The following AKAP11 variants were observed in gnomAD, a reference collection of about 807,000 sequenced individuals.
The protein encoded by AKAP11 is A-kinase anchor protein 11.
Under a neutral mutation model 146.1 loss-of-function variants are expected in AKAP11, and 36 were observed. That is an observed-to-expected ratio of 0.25 (90% CI 0.19 to 0.33). The LOEUF is 0.33. AKAP11 is among the 10% of genes least tolerant of loss of function. The pLI, the probability that AKAP11 is intolerant of heterozygous loss-of-function variation, is 1.00. For missense variants in AKAP11, 2,201 were observed against 2,197.0 expected, an observed-to-expected ratio of 1.00 and a Z score of -0.04; for synonymous variants, 780 against 786.5, an observed-to-expected ratio of 0.99 and a Z score of 0.14.
At chr13:42,311,429 T>C (rs1960559148) in intron 9 of AKAP11, among the ~76,000 whole-genome samples, 1 of 152,178 alleles carries the variant, frequency 6.6e-6, no homozygotes. Context: ...TTATTAACGG[T>C]GAGGTCTTTA....
Position 42,303,117 on chromosome 13 carries a change from T to C in AKAP11, c.4371T>C (p.Phe1457=), listed in dbSNP as rs776512186. ...ATGAGGTCTCCCAACTGTATAGTTT[T>C]TCAACCTCTCTGGTTCACAGCATAA... ...YRNEVSQLYS[F]STSLVHSITK... The change falls in exon 8 of 13, where the codon TTT becomes TTC. Residue 1457 remains phenylalanine (F), a synonymous_variant. Coordinates refer to ENST00000025301, the MANE Select transcript of AKAP11 (RefSeq NM_016248.4). 7.7e-5 allele frequency: 125 copies of C among 1,614,048 alleles called. No individual in the cohort carries two copies. The highest frequency in any genetic ancestry group is 1.0e-4 in the Non-Finnish European group (122 of 1,180,048).
intron 1 of AKAP11, among the ~76,000 whole-genome samples, chr13:42,280,605 A>G (rs944322048): frequency 2.0e-5 from 3 of 152,244 alleles, no homozygotes; most frequent in Non-Finnish European, 2.9e-5. Flanking sequence ...AAAAATACAT[A>G]AAACACTTTT....
At position 42,302,348 on chromosome 13, in the gene AKAP11, C is replaced by A; in HGVS notation, c.3602C>A (p.Ala1201Glu). Residue 1201 changes from alanine to glutamate, a missense_variant, in exon 8 of 13, where the codon GCA becomes GAA. Around this residue, in one of 3 missense-constraint regions of AKAP11, gnomAD observed 1,867 missense variants for 1,833.5 expected, o/e 1.02. Coordinates refer to ENST00000025301, the MANE Select transcript of AKAP11 (RefSeq NM_016248.4). ...HSGKKVQFAE[A>E]LATHILSLAT... ...GGGAAGAAGGTTCAGTTTGCAGAAG[C>A]ATTAGCTACACACATCCTTTCTCTT... 1.2e-6 allele frequency: 2 copies of A among 1,614,158 alleles called. No homozygotes were observed. The highest frequency in any genetic ancestry group is 1.1e-5 in the South Asian group (1 of 91,080).
intron 1 of AKAP11, among the ~76,000 whole-genome samples, chr13:42,283,436 G>A (rs10492432): frequency 0.12 from 18,777 of 152,034 alleles, 1,309 homozygotes; most frequent in South Asian, 0.17. Flanking sequence ...GTGTTCCTTC[G>A]CAGATCCCAT....
Position 42,300,217 on chromosome 13 carries a change from T to G in AKAP11, c.1471T>G (p.Tyr491Asp). ...HDSVYYTYED[Y>D]AKSISCEVLG... ...TTCTGTTTATTACACCTATGAAGAC[T>G]ATGCAAAAAGCATTTCATGTGAAGT... Residue 491 changes from tyrosine (Y) to aspartate (D), a missense_variant, in exon 8 of 13, where the codon TAT becomes GAT. Physicochemically the swap from Tyr to Asp is radical, Grantham distance 160. This residue lies in a region of AKAP11 where 1,867 missense variants were observed against 1,833.5 expected (regional missense o/e 1.02). Transcript: ENST00000025301. 6.2e-7 allele frequency: 1 copy of G among 1,613,766 alleles called. No individual in the cohort carries two copies. Among genetic ancestry groups the G allele is most frequent in the Non-Finnish European group, 8.5e-7 (1 of 1,179,822 alleles).
At chr13:42,310,206 G>T (rs925380392) in intron 9 of AKAP11, among the ~76,000 whole-genome samples, 1 of 152,162 alleles carries the variant, frequency 6.6e-6, no homozygotes, top group South Asian at 2.1e-4. Flanking sequence ...ATGGCATTTT[G>T]TCAGAAAAAG....
At position 42,303,419 on chromosome 13, in the gene AKAP11, C is replaced by G. The variant is rs1452592486; in HGVS notation, c.4673C>G (p.Ser1558Cys). Residue 1558 changes from serine to cysteine, a missense_variant, in exon 8 of 13, where the codon TCT becomes TGT. Physicochemically the swap from Ser to Cys is moderately radical, Grantham distance 112 (BLOSUM62 -1). Around this residue, in one of 3 missense-constraint regions of AKAP11, gnomAD observed 1,867 missense variants for 1,833.5 expected, o/e 1.02. Transcript: ENST00000025301. ...VDDTLELTLGSTVFRVSETTK... is the reference protein window; with the variant it reads ...VDDTLELTLGCTVFRVSETTK... ...GACACTCTAGAGCTAACTCTAGGAT[C>G]TACAGTGTTCCGAGTGTCTGAGACC... The G allele has an allele frequency of 6.2e-7, 1 of 1,614,086 alleles. No individual in the cohort carries two copies. The highest frequency in any genetic ancestry group is 1.1e-5 in the South Asian group (1 of 91,068).
rs142541804 is a variant in AKAP11, at chr13:42,299,218, A to C, written c.617-145A>C. 1.7e-3 allele frequency: 1,211 copies of C among 715,722 alleles called. 11 individuals carry two copies. The African/African-American group carries it at 0.019, about 11-fold the overall frequency. The allele number at this position is 715,722 out of a possible 1,614,324, so 44.3% of individuals were successfully genotyped here. A position where few individuals can be genotyped will look rare whatever the true frequency, so the allele number is the denominator to read the frequency against. ...AACAGTATATTTACTTTCAAATGTT[A>C]CTTGGGTGAATCTTTCTGTTAAACA... On this transcript the variant is annotated intron_variant, in intron 7 of 12. Coordinates refer to ENST00000025301, the MANE Select transcript of AKAP11 (RefSeq NM_016248.4).
At chr13:42,296,142 T>C (rs1959499638) in intron 5 of AKAP11, among the ~76,000 whole-genome samples, 1 of 152,192 alleles carries the variant, frequency 6.6e-6, no homozygotes, top group African/African-American at 2.4e-5. Flanking sequence ...GGCATACTTT[T>C]CTTTTTCCCT....
In AKAP11 at chr13:42,286,312, T is replaced by G. The variant is rs1959165805; in HGVS notation, c.-37T>G. The G allele has an allele frequency of 6.9e-7, 1 of 1,443,216 alleles. No homozygotes were observed. The highest frequency in any genetic ancestry group is 9.5e-7 in the Non-Finnish European group (1 of 1,054,588). The allele number at this position is 1,443,216 out of a possible 1,614,324, so 89.4% of individuals were successfully genotyped here. ...ATGTTTTCTTTAGGTGTTTTGTGGA[T>G]TAACTCTTCATTGATTATATACAAC... is the stretch of plus-strand genomic sequence containing the variant. On this transcript the variant is annotated 5_prime_UTR_variant, in exon 3 of 13. Transcript: ENST00000025301.
intron 11 of AKAP11, among the ~76,000 whole-genome samples, chr13:42,314,446 T>TAA (rs59968668): frequency 8.0e-6 from 1 of 124,764 alleles, no homozygotes; most frequent in African/African-American, 3.0e-5. Flanking sequence ...GACTCTGACT[T>TAA]AAAAAAAAAA....
chr13:42,313,012 T>G (rs1411067620), intron 9 of AKAP11, 35 bp from the exon 10 acceptor site: 20 of 1,568,014 alleles, frequency 1.3e-5, no homozygotes, highest in Non-Finnish European at 1.8e-5. Context: ...CTATTCATTT[T>G]CTAGTTCAGC....
In AKAP11 at chr13:42,301,964, C is replaced by T. The variant is rs146133758; in HGVS notation, c.3218C>T (p.Ser1073Leu). 2 of 1,614,016 alleles carry T rather than the reference C, an allele frequency of 1.2e-6. No homozygotes were observed. The highest frequency in any genetic ancestry group is 1.7e-6 in the Non-Finnish European group (2 of 1,180,004). The change falls in exon 8 of 13, where the codon TCA becomes TTA. Residue 1073 changes from serine to leucine, a missense_variant. Ser to Leu is a moderately radical substitution (Grantham distance 145). Around this residue, in one of 3 missense-constraint regions of AKAP11, gnomAD observed 1,867 missense variants for 1,833.5 expected, o/e 1.02. Coordinates refer to ENST00000025301, the MANE Select transcript of AKAP11 (RefSeq NM_016248.4). ...ENPFPHSHTF[S>L]STALTCVDGL... ...CCCTTTCCTCATTCACATACTTTCT[C>T]ATCTACAGCACTTACCTGTGTAGAT...
Position 42,301,532 on chromosome 13 carries a change from G to T in AKAP11, c.2786G>T (p.Ser929Ile). 2 of 1,614,130 alleles carry T rather than the reference G, an allele frequency of 1.2e-6. No homozygotes were observed. Among genetic ancestry groups the T allele is most frequent in the Non-Finnish European group, 1.7e-6 (2 of 1,179,984 alleles). The change falls in exon 8 of 13, where the codon AGT becomes ATT. Residue 929 changes from serine (S) to isoleucine (I), a missense_variant. Transcript: ENST00000025301. ...TGTGATCAGGCAGTGCTGCAATGCA[G>T]TGAAGCTAGTAGCAATAAGGACATG... ...SHCDQAVLQCSEASSNKDMFA... is the reference protein window; with the variant it reads ...SHCDQAVLQCIEASSNKDMFA...
At chr13:42,315,296 G>C (rs1420074781) in intron 11 of AKAP11, among the ~76,000 whole-genome samples, 1 of 151,952 alleles carries the variant, frequency 6.6e-6, no homozygotes, top group African/African-American at 2.4e-5. Flanking sequence ...TTTATATAAG[G>C]CTTCTAGAAG....
chr13:42,294,498 G>A (rs1228390759), intron 4 of AKAP11, among the ~76,000 whole-genome samples: 1 of 152,140 alleles, frequency 6.6e-6, no homozygotes, highest in South Asian at 2.1e-4. Context: ...CACCTCCAGG[G>A]TTCAAGTGAT....
rs993244921 is a variant in AKAP11 at position 42,303,537 on chromosome 13, T to C, written c.4791T>C (p.Asn1597=). 1.9e-6 allele frequency: 3 copies of C among 1,614,210 alleles called. No homozygotes were observed. Among genetic ancestry groups the C allele is most frequent in the African/African-American group, 1.3e-5 (1 of 75,056 alleles). Residue 1597 remains asparagine (N), a synonymous_variant, in exon 8 of 13, where the codon AAT becomes AAC. Coordinates refer to ENST00000025301, the MANE Select transcript of AKAP11 (RefSeq NM_016248.4). ...ACTGTGACCTTAAAGAACTCCACAA[T>C]TGCACTGGAAATTCATCTCAGCACT... The part of the protein sequence containing the change: ...CRYCDLKELH[N]CTGNSSQHFF...
Position 42,302,624 on chromosome 13 carries a change from A to G in AKAP11, c.3878A>G (p.Asp1293Gly), listed in dbSNP as rs776318617. The change falls in exon 8 of 13, where the codon GAT (aspartate) becomes GGT (glycine). Residue 1293 changes from aspartate to glycine, a missense_variant. By Grantham distance (94) the Asp-to-Gly change is moderately conservative. Coordinates refer to ENST00000025301, the MANE Select transcript of AKAP11 (RefSeq NM_016248.4). Reference protein sequence around the residue: ...FKQKKNSCYADGDEDYKVEEK... With the variant: ...FKQKKNSCYAGGDEDYKVEEK... ...CAAAAGAAGAACAGTTGTTATGCTG[A>G]TGGTGACGAAGATTATAAAGTAGAA... 7.4e-6 allele frequency: 12 copies of G among 1,614,188 alleles called. No individual in the cohort carries two copies. In the Admixed American group the frequency reaches 1.5e-4, roughly 20 times the overall value.
Position 42,320,893 on chromosome 13 carries a change from C to T in AKAP11, c.*1665C>T, listed in dbSNP as rs116583105. The stretch of plus-strand genomic sequence containing the variant: ...AATGCCAAAAGCTATTTAAATAATT[C>T]GAGGTTACATCGTAGGTTTTGATTT... On this transcript the variant is annotated 3_prime_UTR_variant, in exon 13 of 13. Coordinates refer to ENST00000025301, the MANE Select transcript of AKAP11 (RefSeq NM_016248.4). 2.6e-5 allele frequency: 4 copies of T among 152,194 alleles called. No homozygotes were observed. Among genetic ancestry groups the T allele is most frequent in the African/African-American group, 7.2e-5 (3 of 41,384 alleles). 9.4% of individuals were successfully genotyped at this position (152,194 alleles called of 1,614,324 possible). A position where few individuals can be genotyped will look rare whatever the true frequency, so the allele number is the denominator to read the frequency against.
Sources: allele counts gnomAD v4.1 joint callset (sites outside exome capture counted in the v4.1 genomes callset), GRCh38; gene constraint gnomAD v4.1.1; regional missense constraint gnomAD v4.1.1; transcripts MANE v1.5; gene names NCBI Gene and HGNC (gene_info 2026-07-23, HGNC 2026-07-21).